SARDH: variants seen among roughly 807,000 people sequenced by gnomAD.
The protein encoded by SARDH is sarcosine dehydrogenase, mitochondrial.
A neutral mutation model predicts 109.1 loss-of-function variants in SARDH; 95 were observed. The observed-to-expected ratio is 0.87, with a 90% CI of 0.74 to 1.03. The LOEUF is 1.03. Among genes scored for constraint, SARDH ranks in the 50% least tolerant of loss-of-function variants. SARDH has a pLI of 0.00. For missense variants in SARDH, 1,267 were observed against 1,287.8 expected (o/e 0.98, Z 0.25); for synonymous variants, 572 against 534.8 (o/e 1.07, Z -0.96).
intron 12 of SARDH, among the ~76,000 whole-genome samples, chr9:133,703,853 C>G (rs923051779): frequency 1.3e-5 from 2 of 152,200 alleles, no homozygotes; most frequent in African/African-American, 2.4e-5. Context: ...GAGTACCCCC[C>G]TCCCCAGCAG....
At chr9:133,708,514 C>G in intron 10 of SARDH, 86 bp from the exon 11 acceptor site, 1 of 1,478,922 alleles carries the variant, frequency 6.8e-7, no homozygotes, top group Non-Finnish European at 9.0e-7. Flanking sequence ...AGCCTGGACC[C>G]CGGTCCCCTG....
In SARDH at chr9:133,686,436, C is replaced by A. The variant is rs1830887908; in HGVS notation, c.2070-1150G>T. 6.6e-6 allele frequency among the ~76,000 whole-genome samples: 1 copy of A among 152,076 alleles called. No individual in the cohort carries two copies. The highest frequency in any genetic ancestry group is 1.5e-5 in the Non-Finnish European group (1 of 68,004). On this transcript the variant is annotated intron_variant, in intron 16 of 20. Coordinates refer to ENST00000439388, the MANE Select transcript of SARDH (RefSeq NM_001134707.2). The surrounding 1 kb of genome is among the most constrained non-coding windows in gnomAD (Gnocchi z 4.0). ...CTGTCACCTCCCCCAGGAAGCCCTCCCTGACTCCCTAGGTCTTGGGCAGGT... is the reference window on the plus strand; with the variant it reads ...CTGTCACCTCCCCCAGGAAGCCCTCACTGACTCCCTAGGTCTTGGGCAGGT...
chr9:133,712,964 C>T lies in SARDH; in HGVS notation c.1237+74G>A, dbSNP rs778379515. The stretch of plus-strand genomic sequence containing the variant: ...TGTCGGGGGCCACGGTGCTCCTGCG[C>T]CCGCCTCCCCCAGAGCTCTGGGAAT... On this transcript the variant is annotated intron_variant, in intron 9 of 20. Coordinates refer to ENST00000439388, the MANE Select transcript of SARDH (RefSeq NM_001134707.2). This position sits in a 1 kb window ranked among gnomAD's most constrained non-coding sequence, Gnocchi z 4.1. The T allele has an allele frequency of 2.1e-5, 30 of 1,446,836 alleles. No homozygotes were observed. The highest frequency in any genetic ancestry group is 3.6e-5 in the South Asian group (3 of 82,484). 89.6% of individuals were successfully genotyped at this position (1,446,836 alleles called of 1,614,324 possible).
intron 13 of SARDH, among the ~76,000 whole-genome samples, chr9:133,698,009 TAA>T (rs371381068): frequency 2.1e-5 from 2 of 95,704 alleles, no homozygotes; most frequent in Non-Finnish European, 2.1e-5. Context: ...AGGAATCCAC[TAA>T]AAAAAAAAAA....
intron 17 of SARDH, among the ~76,000 whole-genome samples, chr9:133,682,493 G>A (rs1329894257): frequency 2.6e-5 from 4 of 152,306 alleles, no homozygotes; most frequent in East Asian, 3.9e-4. Context: ...CTGAGATGCC[G>A]CTGACCACCA....
chr9:133,698,517 A>C (rs1831368474), intron 13 of SARDH, among the ~76,000 whole-genome samples: 1 of 152,276 alleles, frequency 6.6e-6, no homozygotes, highest in African/African-American at 2.4e-5. Context: ...CTTGATTCCA[A>C]ACTTGCTATT....
intron 6 of SARDH, among the ~76,000 whole-genome samples, chr9:133,727,986 C>T (rs1192832149): frequency 1.1e-4 from 16 of 152,146 alleles, no homozygotes; most frequent in Non-Finnish European, 1.8e-4. Flanking sequence ...CTCCCAGAAC[C>T]CACTGAGACC....
downstream of SARDH, among the ~76,000 whole-genome samples, chr9:133,660,612 GAGTT>G (rs950037863): frequency 1.1e-4 from 16 of 152,304 alleles, no homozygotes; most frequent in African/African-American, 3.4e-4. Flanking sequence ...GTGTGACCCT[GAGTT>G]AGTTACTTTC....
Position 133,712,730 on chromosome 9 carries a change from G to T in SARDH, c.1238-21C>A. On this transcript the variant is annotated intron_variant, in intron 9 of 20. Coordinates refer to ENST00000439388, the MANE Select transcript of SARDH (RefSeq NM_001134707.2). The surrounding 1 kb of genome is among the most constrained non-coding windows in gnomAD (Gnocchi z 4.1). ...CATTCCTGGCAGGAAGAGAAGCGCA[G>T]GGCTGCGGTCTGCCCCCCAGGGTCC... is the stretch of plus-strand genomic sequence containing the variant. 1.9e-6 allele frequency: 3 copies of T among 1,603,342 alleles called. No individual in the cohort carries two copies. Among genetic ancestry groups the T allele is most frequent in the Non-Finnish European group, 1.7e-6 (2 of 1,178,642 alleles).
intron 11 of SARDH, among the ~76,000 whole-genome samples, chr9:133,706,172 C>T (rs2131426704): frequency 6.6e-6 from 1 of 152,354 alleles, no homozygotes; most frequent in East Asian, 1.9e-4. Context: ...GTTCACTGAG[C>T]TCTATGCGCA....
downstream of SARDH, among the ~76,000 whole-genome samples, chr9:133,659,694 G>A (rs763635804): frequency 6.6e-6 from 1 of 152,180 alleles, no homozygotes; most frequent in Non-Finnish European, 1.5e-5. Flanking sequence ...GGGAAGTCAC[G>A]AGCCCAGGAG....
chr9:133,669,917 G>C (rs1300001363), intron 19 of SARDH, among the ~76,000 whole-genome samples: 3 of 152,224 alleles, frequency 2.0e-5, no homozygotes, highest in South Asian at 2.1e-4. Context: ...GGGTGGCCTG[G>C]GCTTGGCTGC....
chr9:133,671,688 T>C lies in SARDH; in HGVS notation c.2173A>G (p.Met725Val), dbSNP rs572254762. Residue 725 changes from methionine (M) to valine (V), a missense_variant, in exon 18 of 21, where the codon ATG (methionine) becomes GTG (valine). Transcript: ENST00000439388. ...LRAAGHLVRAMRLSFVGELGW... is the reference protein window; with the variant it reads ...LRAAGHLVRAVRLSFVGELGW... ...AGCTCCCCCACAAAGGACAGCCGCA[T>C]GGCTCGGACCTGGGGGACAAGGTCA... The C allele has an allele frequency of 2.5e-6, 4 of 1,574,816 alleles. No homozygotes were observed. Among genetic ancestry groups the C allele is most frequent in the Non-Finnish European group, 3.4e-6 (4 of 1,160,378 alleles).
chr9:133,734,471 A>C (rs751201710), intron 1 of SARDH, among the ~76,000 whole-genome samples: 4 of 151,888 alleles, frequency 2.6e-5, no homozygotes, highest in African/African-American at 9.7e-5. Flanking sequence ...TCATTCATTC[A>C]TTCATTCATT....
At chr9:133,685,041 C>T (rs1043978430) in intron 17 of SARDH, 152 bp downstream of exon 17, 2 of 626,542 alleles carry the variant, frequency 3.2e-6, no homozygotes, top group Non-Finnish European at 5.5e-6. Flanking sequence ...GGAGGGCCGC[C>T]TGGTCCCACT....
At chr9:133,726,961 G>A (rs1224364263) in intron 6 of SARDH, among the ~76,000 whole-genome samples, 1 of 152,168 alleles carries the variant, frequency 6.6e-6, no homozygotes, top group Admixed American at 6.5e-5. Context: ...GACCCATTTT[G>A]CAGGAAAGGG....
At chr9:133,682,623 C>T (rs1479824632) in intron 17 of SARDH, among the ~76,000 whole-genome samples, 1 of 152,080 alleles carries the variant, frequency 6.6e-6, no homozygotes, top group Non-Finnish European at 1.5e-5. Flanking sequence ...GAGGTCTGCA[C>T]TCAGCCCCTG....
chr9:133,717,661 C>A (rs1832178153), intron 7 of SARDH, among the ~76,000 whole-genome samples: 1 of 151,858 alleles, frequency 6.6e-6, no homozygotes, highest in African/African-American at 2.4e-5. Context: ...CTCCCCACCC[C>A]AGCCCAGGCC....
At chr9:133,729,557 A>G (rs1832602145) in intron 6 of SARDH, among the ~76,000 whole-genome samples, 1 of 152,194 alleles carries the variant, frequency 6.6e-6, no homozygotes, top group Non-Finnish European at 1.5e-5. Flanking sequence ...GTCAGCCCCA[A>G]CAGGGATACG....
Sources: gnomAD v4.1 joint callset for allele counts (sites outside exome capture counted in the v4.1 genomes callset) on GRCh38, gnomAD v4.1.1 for gene constraint, Gnocchi (gnomAD v3.1) non-coding constraint, MANE v1.5 for transcripts, NCBI Gene and HGNC (gene_info 2026-07-23, HGNC 2026-07-21) for gene names.